QRFP: variants seen among roughly 807,000 people sequenced by gnomAD.
QRFP encodes the protein pyroglutamylated RFamide peptide.
QRFP carries 7 observed loss-of-function variants against 9.1 expected under a neutral mutation model. The ratio of observed to expected loss-of-function variants is 0.77; its 90% CI spans 0.44 to 1.45. The LOEUF is 1.45. Among genes scored for constraint, QRFP ranks in the 40% most tolerant of loss-of-function variants. QRFP has a pLI of 0.01. For missense variants in QRFP, 204 were observed against 185.4 expected (o/e 1.10, Z -0.58); for synonymous variants, 91 against 80.2 (o/e 1.13, Z -0.72).
rs1242021116 is a variant in QRFP, at chr9:130,893,426, C to T, written c.*2G>A. ...CAAATCCTTCCAAGGCGTCCTGGCC[C>T]TTCACCGCCGACCGAAGCGGAAGCT... is the stretch of plus-strand genomic sequence containing the variant. On this transcript the variant is annotated 3_prime_UTR_variant, in exon 3 of 3. Coordinates refer to ENST00000623824, the MANE Select transcript of QRFP (RefSeq NM_198180.3). 1 of 1,576,556 alleles carries T rather than the reference C, an allele frequency of 6.3e-7. No homozygotes were observed. Among genetic ancestry groups the T allele is most frequent in the South Asian group, 1.2e-5 (1 of 86,786 alleles).
At chr9:130,894,956 G>A (rs867212239) in intron 2 of QRFP, among the ~76,000 whole-genome samples, 1 of 152,124 alleles carries the variant, frequency 6.6e-6, no homozygotes, top group Non-Finnish European at 1.5e-5. Flanking sequence ...AGAGAGCACC[G>A]GCCCTGGAGA....
intron 2 of QRFP, among the ~76,000 whole-genome samples, chr9:130,895,179 G>A (rs1282689336): frequency 1.3e-5 from 2 of 152,220 alleles, no homozygotes; most frequent in African/African-American, 4.8e-5. Context: ...CAGGCAGAGT[G>A]GGGGCTTCCA....
chr9:130,893,507 G>A lies in QRFP; in HGVS notation c.332C>T (p.Pro111Leu), dbSNP rs113564344. The A allele has an allele frequency of 2.9e-5, 47 of 1,611,262 alleles. No homozygotes were observed. Among genetic ancestry groups the A allele is most frequent in the African/African-American group, 4.0e-5 (3 of 75,016 alleles). The part of the protein sequence containing the change: ...LPAAGEKTSG[P>L]LGNLAEELNG... ...GAGCTCCTCAGCCAGGTTCCCTAAC[G>A]GGCCGCTGGTCTTCTCCCCCGCAGC... The change falls in exon 3 of 3, where the codon CCG becomes CTG. Residue 111 changes from proline to leucine, a missense_variant. By Grantham distance (98) the Pro-to-Leu change is moderately conservative. Coordinates refer to ENST00000623824, the MANE Select transcript of QRFP (RefSeq NM_198180.3).
At position 130,893,305 on chromosome 9, in the gene QRFP, C is replaced by A. The variant is rs942593975; in HGVS notation, c.*123G>T. 1.8e-6 allele frequency: 2 copies of A among 1,092,906 alleles called. No individual in the cohort carries two copies. Among genetic ancestry groups the A allele is most frequent in the African/African-American group, 1.6e-5 (1 of 63,554 alleles). The allele number at this position is 1,092,906 out of a possible 1,614,324, so 67.7% of individuals were successfully genotyped here. ...ACACCTAACCTGTCCTACCATGGATCGTTCATCGTAACCAAGCCTACATCA... is the reference window on the plus strand; with the variant it reads ...ACACCTAACCTGTCCTACCATGGATAGTTCATCGTAACCAAGCCTACATCA... On this transcript the variant is annotated 3_prime_UTR_variant, in exon 3 of 3. Coordinates refer to ENST00000623824, the MANE Select transcript of QRFP (RefSeq NM_198180.3).
At chr9:130,895,383 T>TG (rs1831742760) in intron 2 of QRFP, among the ~76,000 whole-genome samples, 2 of 152,242 alleles carry the variant, frequency 1.3e-5, no homozygotes, top group African/African-American at 4.8e-5. Context: ...TAGGGGTTCA[T>TG]GCACCCCTTC....
At chr9:130,895,135 C>T (rs1382627672) in intron 2 of QRFP, among the ~76,000 whole-genome samples, 1 of 152,234 alleles carries the variant, frequency 6.6e-6, no homozygotes, top group African/African-American at 2.4e-5. Flanking sequence ...AGTGACCTCC[C>T]TCATGCTGCC....
chr9:130,894,894 C>T (rs927387218), intron 2 of QRFP, among the ~76,000 whole-genome samples: 1 of 152,088 alleles, frequency 6.6e-6, no homozygotes, highest in Non-Finnish European at 1.5e-5. Flanking sequence ...ACAATGACCG[C>T]GGGGGAGCTG....
intron 2 of QRFP, among the ~76,000 whole-genome samples, chr9:130,894,193 C>T (rs1367942011): frequency 1.3e-5 from 2 of 152,162 alleles, no homozygotes; most frequent in African/African-American, 2.4e-5. Context: ...CATTGCAGAG[C>T]CATGGGGTGG....
chr9:130,895,034 G>C (rs1207008641), intron 2 of QRFP, among the ~76,000 whole-genome samples: 1 of 152,108 alleles, frequency 6.6e-6, no homozygotes, highest in East Asian at 1.9e-4. Context: ...AAAGAAGCGA[G>C]CTCAGCCAGG....
At position 130,893,500 on chromosome 9, in the gene QRFP, C is replaced by G. The variant is rs544075722; in HGVS notation, c.339G>C (p.Gly113=). 1.9e-6 allele frequency: 3 copies of G among 1,610,518 alleles called. No homozygotes were observed. Among genetic ancestry groups the G allele is most frequent in the East Asian group, 2.2e-5 (1 of 44,782 alleles). ...AAGEKTSGPL[G]NLAEELNGYS... Reference sequence around the variant, plus strand: ...AGCCATTGAGCTCCTCAGCCAGGTTCCCTAACGGGCCGCTGGTCTTCTCCC... The same window carrying G: ...AGCCATTGAGCTCCTCAGCCAGGTTGCCTAACGGGCCGCTGGTCTTCTCCC... Residue 113 remains glycine (G), a synonymous_variant, in exon 3 of 3, where the codon GGG becomes GGC. Transcript: ENST00000623824.
Position 130,893,702 on chromosome 9 carries a change from C to T in QRFP, c.137G>A (p.Gly46Glu). The T allele has an allele frequency of 6.2e-7, 1 of 1,610,350 alleles. No individual in the cohort carries two copies. The highest frequency in any genetic ancestry group is 2.2e-5 in the East Asian group (1 of 44,824). ...AGERWADLAMGPRPHSVWGSS... is the reference protein window; with the variant it reads ...AGERWADLAMEPRPHSVWGSS... ...ACCCCACACGGAGTGGGGTCGGGGCCCCATGGCCAGGTCGGCCCAGCGTTC... is the reference window on the plus strand; with the variant it reads ...ACCCCACACGGAGTGGGGTCGGGGCTCCATGGCCAGGTCGGCCCAGCGTTC... Residue 46 changes from glycine (G) to glutamate (E), a missense_variant, in exon 3 of 3, where the codon GGG (glycine) becomes GAG (glutamate). Physicochemically the swap from Gly to Glu is moderately conservative, Grantham distance 98 (BLOSUM62 -2). Coordinates refer to ENST00000623824, the MANE Select transcript of QRFP (RefSeq NM_198180.3).
Position 130,893,511 on chromosome 9 carries a change from C to T in QRFP, c.328G>A (p.Gly110Ser), listed in dbSNP as rs781686223. ...TCCTCAGCCAGGTTCCCTAACGGGC[C>T]GCTGGTCTTCTCCCCCGCAGCAGGG... ...FLPAAGEKTS[G>S]PLGNLAEELN... Residue 110 changes from glycine to serine, a missense_variant, in exon 3 of 3, where the codon GGC becomes AGC. By Grantham distance (56) the Gly-to-Ser change is moderately conservative. Transcript: ENST00000623824. 9.9e-6 allele frequency: 16 copies of T among 1,611,644 alleles called. No individual in the cohort carries two copies. The highest frequency in any genetic ancestry group is 3.3e-5 in the Admixed American group (2 of 59,954).
intron 2 of QRFP, 151 bp from the exon 3 acceptor site, chr9:130,893,989 CTG>C (rs1831724780): frequency 1.6e-6 from 1 of 626,910 alleles, no homozygotes; most frequent in African/African-American, 1.9e-5. Context: ...GACTAGGCCA[CTG>C]TTTTATTAGC....
At chr9:130,893,877 C>T in intron 2 of QRFP, 39 bp from the exon 3 acceptor site, 3 of 1,481,208 alleles carry the variant, frequency 2.0e-6, no homozygotes, top group Non-Finnish European at 2.7e-6. Context: ...ACAGGCTGCA[C>T]ACGTGGCCAA....
In QRFP at chr9:130,892,818, C is replaced by G. The variant is rs1831700777; in HGVS notation, c.*610G>C. 6.6e-6 allele frequency: 1 copy of G among 152,260 alleles called. No homozygotes were observed. The highest frequency in any genetic ancestry group is 1.5e-5 in the Non-Finnish European group (1 of 68,064). The allele number at this position is 152,260 out of a possible 1,614,324, so 9.4% of individuals were successfully genotyped here. A position where few individuals can be genotyped will look rare whatever the true frequency, so the allele number is the denominator to read the frequency against. ...AAAACGGGATTCCTTCCCAACGCAT[C>G]TCCCAGGAGACTCCTGGCCGGGCTA... On this transcript the variant is annotated 3_prime_UTR_variant, in exon 3 of 3. Coordinates refer to ENST00000623824, the MANE Select transcript of QRFP (RefSeq NM_198180.3).
In QRFP at chr9:130,893,413, A is replaced by T; in HGVS notation, c.*15T>A. 1.3e-6 allele frequency: 2 copies of T among 1,551,842 alleles called. No homozygotes were observed. Among genetic ancestry groups the T allele is most frequent in the Non-Finnish European group, 1.7e-6 (2 of 1,145,684 alleles). On this transcript the variant is annotated 3_prime_UTR_variant, in exon 3 of 3. Transcript: ENST00000623824. ...TGAGTCCAAGAAGCAAATCCTTCCA[A>T]GGCGTCCTGGCCCTTCACCGCCGAC...
At position 130,895,759 on chromosome 9, in the gene QRFP, T is replaced by TGGGCA. The variant is rs762660891; in HGVS notation, c.-68_-64dup. ...GGATCGCTGGGCTCCGGGGCTGGGC[T>TGGGCA]GGGCAGAGCTGCTCTGGGTCCTCGT... On this transcript the variant is annotated 5_prime_UTR_variant, in exon 2 of 3. Transcript: ENST00000623824. The TGGGCA allele has an allele frequency of 5.0e-3, 774 of 153,368 alleles. 21 individuals carry two copies. The highest frequency in any genetic ancestry group is 3.9e-3 in the South Asian group (19 of 4,846). 9.5% of individuals were successfully genotyped at this position (153,368 alleles called of 1,614,324 possible).
intron 1 of QRFP, 25 bp from the exon 2 acceptor site, chr9:130,896,006 A>G (rs889175163): frequency 1.3e-5 from 2 of 152,214 alleles, no homozygotes; most frequent in African/African-American, 2.4e-5. Flanking sequence ...AGACAGCATC[A>G]TTAACTGCAA....
At chr9:130,894,908 C>CTT (rs1322008081) in intron 2 of QRFP, among the ~76,000 whole-genome samples, 2 of 152,208 alleles carry the variant, frequency 1.3e-5, no homozygotes, top group Non-Finnish European at 1.5e-5. Flanking sequence ...GGAGCTGGAG[C>CTT]TGGCTTGTCC....
Sources: allele counts gnomAD v4.1 joint callset (sites outside exome capture counted in the v4.1 genomes callset), GRCh38; gene constraint gnomAD v4.1.1; transcripts MANE v1.5; gene names NCBI Gene and HGNC (gene_info 2026-07-23, HGNC 2026-07-21).